DNAAF6: variants seen among roughly 807,000 people sequenced by gnomAD.
DNAAF6 encodes dynein axonemal assembly factor 6.
Under a neutral mutation model 13.7 loss-of-function variants are expected in DNAAF6, and 3 were observed. The observed-to-expected ratio is 0.22, with a 90% CI of 0.10 to 0.56. DNAAF6 has a LOEUF of 0.56. Among genes scored for constraint, DNAAF6 ranks in the 20% least tolerant of loss-of-function variants. The pLI, the probability that DNAAF6 is intolerant of heterozygous loss-of-function variation, is 0.92. For synonymous variants in DNAAF6, 54 were observed against 49.2 expected (o/e 1.10, Z -0.41); for missense variants, 130 against 151.0 (o/e 0.86, Z 0.73).
intron 1 of DNAAF6, among the ~76,000 whole-genome samples, chrX:107,208,698 T>C (rs996969468): frequency 2.7e-5 from 3 of 109,648 alleles, no homozygotes; most frequent in African/African-American, 1.0e-4. Flanking sequence ...CCACTATGCC[T>C]GGCTAATTTT....
intron 1 of DNAAF6, among the ~76,000 whole-genome samples, chrX:107,210,579 C>T (rs1315249204): frequency 1.8e-5 from 2 of 109,726 alleles, no homozygotes; most frequent in African/African-American, 3.3e-5. Context: ...CCACCGCGCC[C>T]GTCTAATTTT....
At chrX:107,212,160 G>A (rs910952715) in intron 1 of DNAAF6, among the ~76,000 whole-genome samples, 1 of 111,072 alleles carries the variant, frequency 9.0e-6, no homozygotes, top group East Asian at 2.8e-4. Flanking sequence ...ATAACTGGTA[G>A]GGATTCAGAA....
intron 4 of DNAAF6, among the ~76,000 whole-genome samples, chrX:107,221,274 C>T (rs1006950230): frequency 2.7e-5 from 3 of 109,966 alleles, no homozygotes; most frequent in African/African-American, 6.6e-5. Flanking sequence ...AGTGCCCAAC[C>T]AAATTTGTTT....
intron 5 of DNAAF6, among the ~76,000 whole-genome samples, chrX:107,236,614 C>T (rs1928520276): frequency 9.0e-6 from 1 of 111,562 alleles, no homozygotes. Context: ...TTTTAATTTC[C>T]TTAAGAAGAA....
intron 4 of DNAAF6, 85 bp from the exon 5 acceptor site, chrX:107,222,660 T>A: frequency 9.2e-7 from 1 of 1,091,002 alleles, no homozygotes; most frequent in Non-Finnish European, 1.2e-6. Context: ...CCTAATAGCA[T>A]ATCCTCATAA....
intron 1 of DNAAF6, among the ~76,000 whole-genome samples, chrX:107,211,355 T>C (rs776197191): frequency 8.0e-5 from 9 of 112,418 alleles, no homozygotes; most frequent in Non-Finnish European, 1.5e-4. Flanking sequence ...TGTCATGATT[T>C]ATTAATTTGT....
chrX:107,222,848 C>G lies in DNAAF6; in HGVS notation c.429+7C>G. The G allele has an allele frequency of 8.4e-7, 1 of 1,190,299 alleles. No individual in the cohort carries two copies. Among genetic ancestry groups the G allele is most frequent in the Non-Finnish European group, 1.1e-6 (1 of 887,114 alleles). On this transcript the variant is annotated splice_region_variant and intron_variant, in intron 5 of 6. Transcript: ENST00000372453. Reference sequence around the variant, plus strand: ...TTGTTGCAGTGAACTAGTGGTAAGCCTCTCCTCCCCTTCTTCATTTTCTAT... The same window carrying G: ...TTGTTGCAGTGAACTAGTGGTAAGCGTCTCCTCCCCTTCTTCATTTTCTAT...
intron 3 of DNAAF6, among the ~76,000 whole-genome samples, chrX:107,218,117 A>C (rs2147828677): frequency 8.9e-6 from 1 of 112,542 alleles, no homozygotes; most frequent in African/African-American, 3.2e-5. Flanking sequence ...GACTCAAAGC[A>C]GTGCTCTGCA....
intron 5 of DNAAF6, 119 bp from the exon 6 acceptor site, chrX:107,238,803 G>A: frequency 2.8e-6 from 3 of 1,065,420 alleles, no homozygotes; most frequent in Non-Finnish European, 3.7e-6. Flanking sequence ...TAAAGATAGG[G>A]CATAGCCTGG....
chrX:107,238,096 C>A (rs1928558788), intron 5 of DNAAF6, among the ~76,000 whole-genome samples: 1 of 112,408 alleles, frequency 8.9e-6, no homozygotes. Flanking sequence ...ATAATGTTTT[C>A]AGGATTCATC....
intron 5 of DNAAF6, among the ~76,000 whole-genome samples, chrX:107,235,577 C>A (rs1205108134): frequency 9.0e-6 from 1 of 111,263 alleles, no homozygotes; most frequent in African/African-American, 3.3e-5. Flanking sequence ...AGGCCGCTTA[C>A]AAACAGCCAT....
chrX:107,241,151 C>T (rs367621960), intron 6 of DNAAF6, among the ~76,000 whole-genome samples: 1 of 111,773 alleles, frequency 8.9e-6, no homozygotes, highest in African/African-American at 3.2e-5. Context: ...TTTCATTATG[C>T]GAATATGCTG....
At chrX:107,217,812 A>T (rs1382249744) in intron 3 of DNAAF6, among the ~76,000 whole-genome samples, 1 of 112,054 alleles carries the variant, frequency 8.9e-6, no homozygotes, top group African/African-American at 3.2e-5. Context: ...GGATGGTTTT[A>T]AAATTTCAGT....
At chrX:107,218,730 G>C in intron 3 of DNAAF6, 134 bp from the exon 4 acceptor site, 1 of 565,840 alleles carries the variant, frequency 1.8e-6, no homozygotes, top group Non-Finnish European at 2.7e-6. Flanking sequence ...AGTTTGTTTT[G>C]ATCAAAAAAA....
At chrX:107,222,637 T>A (rs1267206021) in intron 4 of DNAAF6, 108 bp from the exon 5 acceptor site, 3 of 972,082 alleles carry the variant, frequency 3.1e-6, no homozygotes, top group Non-Finnish European at 4.1e-6. Flanking sequence ...ATTTGTTTAG[T>A]CCTTTTATTT....
intron 5 of DNAAF6, among the ~76,000 whole-genome samples, chrX:107,235,305 C>A (rs767124835): frequency 1.8e-5 from 2 of 111,592 alleles, no homozygotes; most frequent in East Asian, 2.8e-4. Flanking sequence ...ACTGGGGTAA[C>A]CAGCTTCCAG....
chrX:107,214,049 AG>A (rs1189975066), intron 2 of DNAAF6, among the ~76,000 whole-genome samples: 1 of 111,724 alleles, frequency 9.0e-6, no homozygotes, highest in Non-Finnish European at 1.9e-5. Context: ...TAGGTGGAAT[AG>A]GGCAGAATAA....
Position 107,212,912 on chromosome X carries a change from A to G in DNAAF6, c.37A>G (p.Thr13Ala). ...AAATATGGATTCTGAAAATATGAAGACAGAAAATATGGAATCTCAAAATGT... is the reference window on the plus strand; with the variant it reads ...AAATATGGATTCTGAAAATATGAAGGCAGAAAATATGGAATCTCAAAATGT... The part of the protein sequence containing the change: ...SENMDSENMK[T>A]ENMESQNVDF... The change falls in exon 2 of 7, where the codon ACA becomes GCA. Residue 13 changes from threonine to alanine, a missense_variant. Transcript: ENST00000372453. 1 of 1,200,784 alleles carries G rather than the reference A, an allele frequency of 8.3e-7. No homozygotes were observed. Among genetic ancestry groups the G allele is most frequent in the Non-Finnish European group, 1.1e-6 (1 of 891,406 alleles).
At chrX:107,214,590 C>T (rs1031282241) in intron 2 of DNAAF6, among the ~76,000 whole-genome samples, 1 of 111,238 alleles carries the variant, frequency 9.0e-6, no homozygotes, top group Admixed American at 9.6e-5. Context: ...AGGAAAATTA[C>T]TATAATAATG....
Sources: allele counts gnomAD v4.1 joint callset (sites outside exome capture counted in the v4.1 genomes callset), GRCh38; gene constraint gnomAD v4.1.1; transcripts MANE v1.5; gene names NCBI Gene and HGNC (gene_info 2026-07-23, HGNC 2026-07-21).